Variants in ZYG11B observed in about 807,000 individuals in gnomAD.
The protein encoded by ZYG11B is zyg-11 family member B, cell cycle regulator.
ZYG11B carries 36 observed loss-of-function variants against 82.4 expected under a neutral mutation model. The ratio of observed to expected loss-of-function variants is 0.44; its 90% CI spans 0.33 to 0.58. The LOEUF (loss-of-function observed/expected upper bound fraction) is 0.58. ZYG11B is among the 20% of genes least tolerant of loss of function. The pLI, the probability that ZYG11B is intolerant of heterozygous loss-of-function variation, is 0.02. For missense variants in ZYG11B, 552 were observed against 895.6 expected (o/e 0.62, Z 4.90); for synonymous variants, 303 against 312.8 (o/e 0.97, Z 0.33).
chr1:52,785,512 A>T (rs1244513336), intron 5 of ZYG11B, among the ~76,000 whole-genome samples: 1 of 152,186 alleles, frequency 6.6e-6, no homozygotes, highest in African/African-American at 2.4e-5. Flanking sequence ...GCCAGAGTGC[A>T]GTGGCGCGAT....
chr1:52,758,928 A>AT (rs1553258923), intron 2 of ZYG11B, among the ~76,000 whole-genome samples: 1 of 151,686 alleles, frequency 6.6e-6, no homozygotes, highest in African/African-American at 2.4e-5. Context: ...TATGCTCAGT[A>AT]TATTATTATT....
chr1:52,783,921 T>C (rs535551120), intron 4 of ZYG11B, among the ~76,000 whole-genome samples: 2 of 149,614 alleles, frequency 1.3e-5, no homozygotes, highest in Non-Finnish European at 1.5e-5. Context: ...TCTATACATA[T>C]ATGTGTATAT....
At chr1:52,784,811 A>G in intron 4 of ZYG11B, 66 bp from the exon 5 acceptor site, 1 of 1,517,726 alleles carries the variant, frequency 6.6e-7, no homozygotes, top group Non-Finnish European at 8.9e-7. Flanking sequence ...CAACAAAATA[A>G]TTCTGCTCTG....
At chr1:52,817,775 GTGTA>G (rs1174142193) in intron 13 of ZYG11B, among the ~76,000 whole-genome samples, 605 of 32,542 alleles carry the variant, frequency 0.019, 21 homozygotes, top group African/African-American at 0.026. Context: ...GTATATATAT[GTGTA>G]TATATATATA....
intron 1 of ZYG11B, 27 bp from the exon 2 acceptor site, chr1:52,756,427 GTTTC>G: frequency 6.3e-7 from 1 of 1,587,840 alleles, no homozygotes; most frequent in South Asian, 1.1e-5. Context: ...TGGTTTTTGT[GTTTC>G]TTTTATATTT....
intron 13 of ZYG11B, among the ~76,000 whole-genome samples, chr1:52,819,431 A>G (rs1006354882): frequency 3.3e-5 from 5 of 152,190 alleles, no homozygotes; most frequent in South Asian, 2.1e-4. Flanking sequence ...TCCTTTCCTC[A>G]TAACTCAAGG....
intron 10 of ZYG11B, among the ~76,000 whole-genome samples, chr1:52,803,569 T>C (rs1364056714): frequency 6.6e-6 from 1 of 151,998 alleles, no homozygotes; most frequent in African/African-American, 2.4e-5. Context: ...TTTTTGGTAT[T>C]GTACAAAGTT....
chr1:52,806,216 A>G (rs1196401576), intron 10 of ZYG11B, among the ~76,000 whole-genome samples: 1 of 152,176 alleles, frequency 6.6e-6, no homozygotes, highest in Admixed American at 6.6e-5. Flanking sequence ...TTCCATGTAC[A>G]CTTGAGAGGA....
At chr1:52,804,889 C>T (rs1456684861) in intron 10 of ZYG11B, among the ~76,000 whole-genome samples, 2 of 151,612 alleles carry the variant, frequency 1.3e-5, no homozygotes, top group East Asian at 1.9e-4. Context: ...GTCGGGAGTT[C>T]GAGACCAGCC....
rs577778511 is a variant in ZYG11B at position 52,817,620 on chromosome 1, G to T, written c.2044+991G>T. 2.0e-5 allele frequency among the ~76,000 whole-genome samples: 3 copies of T among 149,558 alleles called. No homozygotes were observed. In the South Asian group the frequency reaches 6.4e-4, roughly 32 times the overall value. On this transcript the variant is annotated intron_variant, in intron 13 of 13. Coordinates refer to ENST00000294353, the MANE Select transcript of ZYG11B (RefSeq NM_024646.3). The stretch of plus-strand genomic sequence containing the variant: ...AGGCTGGTGTCAAACTCCTAGGCTC[G>T]AACGATCTGCCTGCCTCTTCCTCCC...
At chr1:52,757,588 T>C (rs938055239) in intron 2 of ZYG11B, among the ~76,000 whole-genome samples, 2 of 151,904 alleles carry the variant, frequency 1.3e-5, no homozygotes, top group Non-Finnish European at 2.9e-5. Context: ...GACAGGAGAA[T>C]CGCTTGAACC....
At position 52,821,707 on chromosome 1, in the gene ZYG11B, A is replaced by G; in HGVS notation, c.*78A>G. The G allele has an allele frequency of 3.6e-6, 5 of 1,383,756 alleles. No individual in the cohort carries two copies. The highest frequency in any genetic ancestry group is 4.9e-6 in the Non-Finnish European group (5 of 1,014,902). 85.7% of individuals were successfully genotyped at this position (1,383,756 alleles called of 1,614,324 possible). A position where few individuals can be genotyped will look rare whatever the true frequency, so the allele number is the denominator to read the frequency against. ...CATTTGGAATATCTTACCCTCCCTG[A>G]TGTTTTGGGGGTTTCTATGACAAGA... On this transcript the variant is annotated 3_prime_UTR_variant, in exon 14 of 14. Coordinates refer to ENST00000294353, the MANE Select transcript of ZYG11B (RefSeq NM_024646.3).
chr1:52,737,771 CACA>C (rs1207379922), intron 1 of ZYG11B, among the ~76,000 whole-genome samples: 2 of 152,088 alleles, frequency 1.3e-5, no homozygotes, highest in Non-Finnish European at 2.9e-5. Context: ...TCAAAAAAAA[CACA>C]ACAATACTGA....
In ZYG11B at chr1:52,790,044, C is replaced by A; in HGVS notation, c.1311C>A (p.Ile437=). 2.5e-6 allele frequency: 4 copies of A among 1,593,306 alleles called. No individual in the cohort carries two copies. The highest frequency in any genetic ancestry group is 2.6e-6 in the Non-Finnish European group (3 of 1,168,056). ...NCLLSLCSDR[I]LQDVPFNRFE... ...TCCTTTCACTTTGCAGTGACCGGATCCTTCAAGATGTTCCATTTAACAGGC... is the reference window on the plus strand; with the variant it reads ...TCCTTTCACTTTGCAGTGACCGGATACTTCAAGATGTTCCATTTAACAGGC... Residue 437 remains isoleucine, a synonymous_variant, in exon 6 of 14, where the codon ATC becomes ATA. Transcript: ENST00000294353.
rs1645314386 is a variant in ZYG11B, at chr1:52,825,160, T to A, written c.*3531T>A. ...AGACAACAGATTTGAGCAAATACAA[T>A]TAAGGTGTCTTATTTTTTGCATCAA... On this transcript the variant is annotated 3_prime_UTR_variant, in exon 14 of 14. Coordinates refer to ENST00000294353, the MANE Select transcript of ZYG11B (RefSeq NM_024646.3). 6.6e-6 allele frequency: 1 copy of A among 152,174 alleles called. No homozygotes were observed. The highest frequency in any genetic ancestry group is 1.5e-5 in the Non-Finnish European group (1 of 68,022). 9.4% of individuals were successfully genotyped at this position (152,174 alleles called of 1,614,324 possible).
intron 3 of ZYG11B, chr1:52,772,733 A>T (rs1304311390): frequency 1.5e-6 from 1 of 650,598 alleles, no homozygotes; most frequent in Non-Finnish European, 2.8e-6. Context: ...GCTGGAGTGC[A>T]GTGGCGCTAT....
intron 10 of ZYG11B, chr1:52,805,285 TG>T (rs1645133003): frequency 1.5e-5 from 5 of 336,498 alleles, no homozygotes; most frequent in African/African-American, 1.1e-4. Context: ...AAATGTAAAT[TG>T]GAGCTTGTTT....
At chr1:52,760,893 G>C (rs1024444926) in intron 2 of ZYG11B, among the ~76,000 whole-genome samples, 4 of 150,706 alleles carry the variant, frequency 2.7e-5, no homozygotes, top group African/African-American at 9.8e-5. Flanking sequence ...CTCCCAAGTA[G>C]CTGGGACTAC....
intron 2 of ZYG11B, among the ~76,000 whole-genome samples, chr1:52,760,760 C>CTT (rs35437248): frequency 6.7e-5 from 7 of 104,658 alleles, no homozygotes; most frequent in Non-Finnish European, 1.1e-4. Flanking sequence ...GCCTGGCCTA[C>CTT]TTTTTTTTTT....
Sources: allele counts gnomAD v4.1 joint callset (sites outside exome capture counted in the v4.1 genomes callset), GRCh38; gene constraint gnomAD v4.1.1; transcripts MANE v1.5; gene names NCBI Gene and HGNC (gene_info 2026-07-23, HGNC 2026-07-21).